PIAS1: variants seen among roughly 807,000 people sequenced by gnomAD.
PIAS1 encodes E3 SUMO-protein ligase PIAS1.
In PIAS1, 6 loss-of-function variants were observed where a neutral mutation model predicts 71.3. The observed-to-expected ratio is 0.08, with a 90% CI of 0.05 to 0.17. PIAS1 has a LOEUF of 0.17. Ranked by LOEUF, PIAS1 falls within the 10% of genes least tolerant of loss-of-function variation. PIAS1 has a pLI of 1.00. For synonymous variants in PIAS1, 303 were observed against 292.9 expected, an observed-to-expected ratio of 1.03 and a Z score of -0.35; for missense variants, 555 against 793.6, an observed-to-expected ratio of 0.70 and a Z score of 3.61.
chr15:68,138,619 C>T (rs769225923), intron 2 of PIAS1, among the ~76,000 whole-genome samples: 11 of 152,102 alleles, frequency 7.2e-5, no homozygotes, highest in Admixed American at 2.0e-4. Context: ...GGATTACAGG[C>T]GCATGCCACC....
At position 68,122,925 on chromosome 15, in the gene PIAS1, AT is replaced by A. The variant is rs537120499; in HGVS notation, c.470-19017del. Among the ~76,000 whole-genome samples the A allele has an allele frequency of 1.7e-3, 263 of 151,436 alleles. 1 individual carries two copies. The highest frequency in any genetic ancestry group is 5.9e-3 in the African/African-American group (243 of 41,272). ...AGGAACCCTAAGAAAATAGAATTTT[AT>A]TTTCTTTCTTGGGAAGTATCTGCAA... is the stretch of plus-strand genomic sequence containing the variant. On this transcript the variant is annotated intron_variant, in intron 2 of 13. Transcript: ENST00000249636.
rs569131840 is a variant in PIAS1 at position 68,178,103 on chromosome 15, C to G, written c.1481+1449C>G. Among the ~76,000 whole-genome samples, 4 of 152,176 alleles carry G rather than the reference C, an allele frequency of 2.6e-5. No homozygotes were observed. Among genetic ancestry groups the G allele is most frequent in the South Asian group, 4.1e-4 (2 of 4,824 alleles). ...ACCAGCCTGGGCAACATGGTAAAAC[C>G]CTGTCTCTACCAAAAAATTAGCTGG... On this transcript the variant is annotated intron_variant, in intron 11 of 13. Coordinates refer to ENST00000249636, the MANE Select transcript of PIAS1 (RefSeq NM_016166.3). This position sits in a 1 kb window ranked among gnomAD's most constrained non-coding sequence, Gnocchi z 4.2.
At chr15:68,182,910 C>T (rs544218652) in intron 12 of PIAS1, among the ~76,000 whole-genome samples, 3 of 152,288 alleles carry the variant, frequency 2.0e-5, no homozygotes, top group Admixed American at 6.5e-5. Flanking sequence ...TCTATAGCTG[C>T]GTGTTTTACC....
Position 68,086,573 on chromosome 15 carries a change from A to C in PIAS1, c.292A>C (p.Thr98Pro). 2.5e-6 allele frequency: 4 copies of C among 1,613,630 alleles called. No homozygotes were observed. Among genetic ancestry groups the C allele is most frequent in the Non-Finnish European group, 3.4e-6 (4 of 1,179,786 alleles). The change falls in exon 2 of 14, where the codon ACT becomes CCT. Residue 98 changes from threonine to proline, a missense_variant. Physicochemically the swap from Thr to Pro is conservative, Grantham distance 38. Coordinates refer to ENST00000249636, the MANE Select transcript of PIAS1 (RefSeq NM_016166.3). The surrounding 1 kb of genome is among the most constrained non-coding windows in gnomAD (Gnocchi z 7.2). ...GTCTCCATCTACCATTCCACAACTC[A>C]CTTACGATGGTCACCCTGCATCATC... ...TLSPSTIPQL[T>P]YDGHPASSPL...
intron 1 of PIAS1, among the ~76,000 whole-genome samples, chr15:68,061,157 G>C (rs990674525): frequency 1.3e-5 from 2 of 152,206 alleles, no homozygotes; most frequent in African/African-American, 4.8e-5. Context: ...CTCTAAATTT[G>C]ATTCGTTCGA....
intron 2 of PIAS1, among the ~76,000 whole-genome samples, chr15:68,134,312 C>T (rs1389978093): frequency 3.4e-5 from 1 of 29,618 alleles, no homozygotes; most frequent in African/African-American, 6.6e-5. Flanking sequence ...TAGGGGCGGC[C>T]GGGCAGAGGC....
intron 1 of PIAS1, chr15:68,055,898 A>G: frequency 1.4e-6 from 1 of 701,500 alleles, no homozygotes; most frequent in Non-Finnish European, 2.6e-6. Context: ...TTACACTCCA[A>G]GATTCGTATG....
At position 68,156,845 on chromosome 15, in the gene PIAS1, G is replaced by C. The variant is rs117196467; in HGVS notation, c.934+3150G>C. 6.4e-3 allele frequency among the ~76,000 whole-genome samples: 977 copies of C among 152,250 alleles called. 7 individuals are homozygous for C. Among genetic ancestry groups the C allele is most frequent in the Non-Finnish European group, 0.011 (766 of 68,008 alleles). On this transcript the variant is annotated intron_variant, in intron 7 of 13. Coordinates refer to ENST00000249636, the MANE Select transcript of PIAS1 (RefSeq NM_016166.3). ...AACCATTAAAAGATTTTTAAGCAGA[G>C]GAGTAAATGACACGATTACATTTAG...
chr15:68,094,132 C>CTATA (rs149657600), intron 2 of PIAS1, among the ~76,000 whole-genome samples: 1 of 151,142 alleles, frequency 6.6e-6, no homozygotes, highest in African/African-American at 2.4e-5. Flanking sequence ...ATTTTCTGGG[C>CTATA]TATATATATA....
chr15:68,101,429 T>C (rs1020398822), intron 2 of PIAS1, among the ~76,000 whole-genome samples: 6 of 151,930 alleles, frequency 3.9e-5, no homozygotes, highest in African/African-American at 1.4e-4. Flanking sequence ...TCTTTTCTCC[T>C]GTGGTGTAAC....
chr15:68,054,365 G>A lies in PIAS1; in HGVS notation c.24+15G>A, dbSNP rs757130020. ...CGGAACTAAAGGTAAAGCGCAGCTCGAATTCACTTCTAATATTCGGCCGCG... is the reference window on the plus strand; with the variant it reads ...CGGAACTAAAGGTAAAGCGCAGCTCAAATTCACTTCTAATATTCGGCCGCG... On this transcript the variant is annotated intron_variant, in intron 1 of 13. Transcript: ENST00000249636. The surrounding 1 kb of genome is among the most constrained non-coding windows in gnomAD (Gnocchi z 4.6). 4.5e-6 allele frequency: 7 copies of A among 1,569,680 alleles called. No individual in the cohort carries two copies. In the Admixed American group the frequency reaches 5.6e-5, roughly 12 times the overall value.
chr15:68,061,348 A>G (rs557307546), intron 1 of PIAS1: 5 of 152,334 alleles, frequency 3.3e-5, no homozygotes, highest in African/African-American at 1.2e-4. Flanking sequence ...TTCCATGTTA[A>G]AAATTGTGCA....
intron 7 of PIAS1, 192 bp downstream of exon 7, chr15:68,153,887 G>C (rs907730160): frequency 1.1e-5 from 4 of 372,338 alleles, no homozygotes; most frequent in Non-Finnish European, 1.9e-5. Context: ...AATTAACTTT[G>C]TGAAGTCAGT....
Position 68,054,607 on chromosome 15 carries a change from G to C in PIAS1, c.24+257G>C, listed in dbSNP as rs963483129. On this transcript the variant is annotated intron_variant, in intron 1 of 13. Coordinates refer to ENST00000249636, the MANE Select transcript of PIAS1 (RefSeq NM_016166.3). This position sits in a 1 kb window ranked among gnomAD's most constrained non-coding sequence, Gnocchi z 4.6. ...TGGGCGCCTCTGGCGGGGGTGGCGG[G>C]GGAAGAGATAGGGAGTCCGGAGGTA... 1.2e-5 allele frequency: 5 copies of C among 425,124 alleles called. No individual in the cohort carries two copies. The highest frequency in any genetic ancestry group is 8.4e-5 in the African/African-American group (4 of 47,662). The allele number at this position is 425,124 out of a possible 1,614,324, so 26.3% of individuals were successfully genotyped here. A position where few individuals can be genotyped will look rare whatever the true frequency, so the allele number is the denominator to read the frequency against.
chr15:68,067,764 T>A (rs1394865653), intron 1 of PIAS1, among the ~76,000 whole-genome samples: 1 of 152,136 alleles, frequency 6.6e-6, no homozygotes, highest in Non-Finnish European at 1.5e-5. Flanking sequence ...TAGAAAAATG[T>A]GTAACTTATA....
At chr15:68,144,225 A>G (rs1254092085) in intron 4 of PIAS1, among the ~76,000 whole-genome samples, 1 of 151,864 alleles carries the variant, frequency 6.6e-6, no homozygotes, top group African/African-American at 2.4e-5. Context: ...CCACGTTGCT[A>G]GGTCTGCAAC....
At chr15:68,074,182 G>C (rs1395293246) in intron 1 of PIAS1, among the ~76,000 whole-genome samples, 1 of 152,176 alleles carries the variant, frequency 6.6e-6, no homozygotes, top group Non-Finnish European at 1.5e-5. Context: ...TGTTAATTTA[G>C]AGATAGCGTT....
At chr15:68,093,153 G>C (rs1381545022) in intron 2 of PIAS1, among the ~76,000 whole-genome samples, 2 of 152,134 alleles carry the variant, frequency 1.3e-5, no homozygotes, top group Non-Finnish European at 2.9e-5. Context: ...TTTATAGTTG[G>C]CTTCATTGGC....
intron 3 of PIAS1, 31 bp downstream of exon 3, chr15:68,142,061 TG>T (rs1385392333): frequency 1.4e-6 from 2 of 1,440,008 alleles, no homozygotes; most frequent in Non-Finnish European, 1.9e-6. Flanking sequence ...ACTTGAAGTT[TG>T]ACCTTTGAAT....
Sources: allele counts gnomAD v4.1 joint callset (sites outside exome capture counted in the v4.1 genomes callset), GRCh38; gene constraint gnomAD v4.1.1; non-coding constraint Gnocchi (gnomAD v3.1); transcripts MANE v1.5; gene names NCBI Gene and HGNC (gene_info 2026-07-23, HGNC 2026-07-21).